TRANK1: variants seen among roughly 807,000 people sequenced by gnomAD.
The protein encoded by TRANK1 is TPR and ankyrin repeat-containing protein 1.
In TRANK1, 198 loss-of-function variants were observed where a neutral mutation model predicts 266.0. The observed-to-expected ratio is 0.74, with a 90% CI of 0.66 to 0.84. The LOEUF is 0.84. Among genes scored for constraint, TRANK1 ranks in the 40% least tolerant of loss-of-function variants. TRANK1 has a pLI of 0.00. For missense variants in TRANK1, 3,326 were observed against 3,634.6 expected, an observed-to-expected ratio of 0.92 and a Z score of 2.18; for synonymous variants, 1,396 against 1,384.1, an observed-to-expected ratio of 1.01 and a Z score of -0.19.
chr3:36,895,906 T>A, intron 4 of TRANK1, 148 bp from the exon 5 acceptor site: 1 of 552,250 alleles, frequency 1.8e-6, no homozygotes, highest in Admixed American at 3.5e-5. Context: ...TATGAAGTCC[T>A]TTATAATTGG....
chr3:36,915,731 G>A (rs1264621608), intron 1 of TRANK1, among the ~76,000 whole-genome samples: 1 of 152,122 alleles, frequency 6.6e-6, no homozygotes, highest in East Asian at 1.9e-4. Context: ...AAAAAGTAGA[G>A]GGTATAAGAA....
chr3:36,910,434 C>G (rs933341491), intron 1 of TRANK1, among the ~76,000 whole-genome samples: 17 of 152,154 alleles, frequency 1.1e-4, no homozygotes, highest in Admixed American at 1.1e-3. Context: ...GAACAACACA[C>G]AGTTATTTTT....
chr3:36,833,706 T>A lies in TRANK1; in HGVS notation c.5877A>T (p.Glu1959Asp). 1 of 1,614,002 alleles carries A rather than the reference T, an allele frequency of 6.2e-7. No individual in the cohort carries two copies. The highest frequency in any genetic ancestry group is 8.5e-7 in the Non-Finnish European group (1 of 1,179,882). The stretch of plus-strand genomic sequence containing the variant: ...GCAGGGCAGCCTCTTCTCTCCTACC[T>A]TCCCTGTTCAGCAGGTCTGCAGCTT... ...LAEAADLLNREGRREEAALLM... is the reference protein window; with the variant it reads ...LAEAADLLNRDGRREEAALLM... The change falls in exon 22 of 24, where the codon GAA becomes GAT. Residue 1959 changes from glutamate to aspartate, a missense_variant. Physicochemically the swap from Glu to Asp is conservative, Grantham distance 45. Transcript: ENST00000645898.
intron 5 of TRANK1, among the ~76,000 whole-genome samples, chr3:36,894,966 G>A (rs1470607938): frequency 6.6e-6 from 1 of 152,162 alleles, no homozygotes; most frequent in African/African-American, 2.4e-5. Flanking sequence ...GCCTGGCACT[G>A]TAAACCTTCC....
chr3:36,853,599 A>G (rs2079013212), intron 13 of TRANK1, among the ~76,000 whole-genome samples: 1 of 152,228 alleles, frequency 6.6e-6, no homozygotes, highest in African/African-American at 2.4e-5. Context: ...AAGTTGCAGT[A>G]GAATCCACTT....
intron 1 of TRANK1, among the ~76,000 whole-genome samples, chr3:36,910,187 A>T (rs988529616): frequency 1.3e-5 from 2 of 152,248 alleles, no homozygotes; most frequent in African/African-American, 4.8e-5. Context: ...AAAAGTGGGT[A>T]AATAGGATCA....
In TRANK1 at chr3:36,832,135, A is replaced by G. The variant is rs1218429095; in HGVS notation, c.7448T>C (p.Ile2483Thr). The change falls in exon 22 of 24, where the codon ATT becomes ACT. Residue 2483 changes from isoleucine (I) to threonine (T), a missense_variant. By Grantham distance (89) the Ile-to-Thr change is moderately conservative (BLOSUM62 -1). Transcript: ENST00000645898. The stretch of plus-strand genomic sequence containing the variant: ...GAACTCCCAGTAGTGCAAGAGTGCA[A>G]TGTAGCTCTTGGGGAGGCATAGAAT... ...NVILCLPKSY[I>T]ALLHYWEFLF... 1.9e-6 allele frequency: 3 copies of G among 1,613,958 alleles called. No individual in the cohort carries two copies. The highest frequency in any genetic ancestry group is 1.7e-6 in the Non-Finnish European group (2 of 1,179,872).
rs2079047256 is a variant in TRANK1 at position 36,856,017 on chromosome 3, C to T, written c.3705G>A (p.Leu1235=). The T allele has an allele frequency of 6.2e-7, 1 of 1,613,790 alleles. No homozygotes were observed. Among genetic ancestry groups the T allele is most frequent in the Non-Finnish European group, 8.5e-7 (1 of 1,179,878 alleles). Residue 1235 remains leucine (L), a synonymous_variant, in exon 13 of 24, where the codon CTG becomes CTA. Coordinates refer to ENST00000645898, the MANE Select transcript of TRANK1 (RefSeq NM_001329998.2). ...CAAACAGAGGAAAGTTCTCGTCCCT[C>T]AGGTCCTGGAGTTTGTGAATGTTGG... ...LDPNIHKLQD[L]RDENFPLFVT... is the part of the protein sequence containing the mutation.
chr3:36,847,113 G>C (rs1194714245), intron 16 of TRANK1, 87 bp downstream of exon 16: 8 of 1,437,410 alleles, frequency 5.6e-6, no homozygotes, highest in Non-Finnish European at 6.5e-6. Context: ...CCAAGTGCAA[G>C]CTCCATTTTT....
chr3:36,906,511 T>C (rs547694043), intron 2 of TRANK1, among the ~76,000 whole-genome samples: 1 of 152,150 alleles, frequency 6.6e-6, no homozygotes, highest in Non-Finnish European at 1.5e-5. Context: ...GATTAACAAA[T>C]GATGTAGCAG....
At chr3:36,884,056 G>C (rs2079568110) in intron 8 of TRANK1, among the ~76,000 whole-genome samples, 1 of 152,162 alleles carries the variant, frequency 6.6e-6, no homozygotes, top group South Asian at 2.1e-4. Context: ...GAAATTCATA[G>C]ACTGAATAAG....
Position 36,874,190 on chromosome 3 carries a change from G to T in TRANK1, c.1014C>A (p.Phe338Leu), listed in dbSNP as rs921106767. Residue 338 changes from phenylalanine to leucine, a missense_variant, in exon 9 of 24, where the codon TTC becomes TTA. Physicochemically the swap from Phe to Leu is conservative, Grantham distance 22. Coordinates refer to ENST00000645898, the MANE Select transcript of TRANK1 (RefSeq NM_001329998.2). ...GACTGTTGATTTTCTCGATGGCTTT[G>T]AAGTTCTTATTCCTCTTCAGGACAT... ...VVDVLKRNKN[F>L]KAIEKINSHL... The T allele has an allele frequency of 2.0e-6, 3 of 1,537,300 alleles. No individual in the cohort carries two copies. In the African/African-American group the frequency reaches 4.1e-5, roughly 21 times the overall value.
chr3:36,882,759 C>T (rs966191208), intron 8 of TRANK1, among the ~76,000 whole-genome samples: 6 of 151,768 alleles, frequency 4.0e-5, no homozygotes, highest in Non-Finnish European at 5.9e-5. Context: ...AGCTAATGAG[C>T]GAAGAATTCT....
chr3:36,870,408 A>C (rs897734427), intron 9 of TRANK1, among the ~76,000 whole-genome samples: 1 of 130,500 alleles, frequency 7.7e-6, no homozygotes, highest in Non-Finnish European at 1.6e-5. Flanking sequence ...ACTCTGTTTC[A>C]AAAAAAAAAA....
intron 11 of TRANK1, 24 bp from the exon 12 acceptor site, chr3:36,858,918 G>A (rs931576718): frequency 2.5e-5 from 38 of 1,520,278 alleles, no homozygotes; most frequent in African/African-American, 4.1e-5. Flanking sequence ...GAAGGGAAGC[G>A]CAATGTGAGC....
At chr3:36,849,755 G>T (rs2078962831) in intron 15 of TRANK1, among the ~76,000 whole-genome samples, 1 of 152,168 alleles carries the variant, frequency 6.6e-6, no homozygotes, top group African/African-American at 2.4e-5. Flanking sequence ...CCTCTCATCT[G>T]CTGACTGACT....
intron 8 of TRANK1, 26 bp from the exon 9 acceptor site, chr3:36,874,322 G>C (rs1369525521): frequency 6.5e-7 from 1 of 1,532,518 alleles, no homozygotes; most frequent in Non-Finnish European, 8.7e-7. Flanking sequence ...ATGAGAAGGG[G>C]TGTTTGTCAT....
intron 1 of TRANK1, among the ~76,000 whole-genome samples, chr3:36,918,015 C>T (rs1170382112): frequency 6.6e-6 from 1 of 151,992 alleles, no homozygotes. Context: ...AAAAGATCTA[C>T]TGATGAATAT....
intron 18 of TRANK1, among the ~76,000 whole-genome samples, chr3:36,839,992 G>A (rs1420670214): frequency 3.3e-5 from 5 of 152,182 alleles, no homozygotes; most frequent in African/African-American, 9.7e-5. Context: ...GTGAAGAGAA[G>A]GCTTTTTATA....
Sources: allele counts gnomAD v4.1 joint callset (sites outside exome capture counted in the v4.1 genomes callset), GRCh38; gene constraint gnomAD v4.1.1; transcripts MANE v1.5; gene names NCBI Gene and HGNC (gene_info 2026-07-23, HGNC 2026-07-21).